PRDM16: variants seen among roughly 807,000 people sequenced by gnomAD.
PRDM16 encodes the protein histone-lysine N-methyltransferase PRDM16.
A neutral mutation model predicts 110.6 loss-of-function variants in PRDM16; 23 were observed. That is an observed-to-expected ratio of 0.21 (90% CI 0.15 to 0.29). PRDM16 has a LOEUF of 0.29. Among genes scored for constraint, PRDM16 ranks in the 10% least tolerant of loss-of-function variants. The pLI is 1.00. For synonymous variants in PRDM16, 799 were observed against 781.8 expected (o/e 1.02, Z -0.37); for missense variants, 1,615 against 1,794.3 (o/e 0.90, Z 1.81).
intron 2 of PRDM16, among the ~76,000 whole-genome samples, chr1:3,225,846 C>T (rs1011927550): frequency 5.3e-5 from 8 of 152,204 alleles, no homozygotes; most frequent in Admixed American, 1.3e-4. Flanking sequence ...ACGGAGCCGC[C>T]GGGGCAGCCA....
rs1282437595 is a variant in PRDM16, at chr1:3,102,773, C to T, written c.37+33477C>T. Among the ~76,000 whole-genome samples the T allele has an allele frequency of 2.6e-5, 4 of 152,180 alleles. No homozygotes were observed. In the South Asian group the frequency reaches 6.2e-4, roughly 24 times the overall value. ...GCAAAACAGCCTGCCCACTGGGGCC[C>T]CTGCGGAAGGGACTCTGGAAGGGCT... On this transcript the variant is annotated intron_variant, in intron 1 of 16. Coordinates refer to ENST00000270722, the MANE Select transcript of PRDM16 (RefSeq NM_022114.4).
rs1188060083 is a variant in PRDM16 at position 3,213,306 on chromosome 1, C to G, written c.387+26832C>G. 6.7e-6 allele frequency among the ~76,000 whole-genome samples: 1 copy of G among 149,442 alleles called. No homozygotes were observed. The highest frequency in any genetic ancestry group is 1.5e-5 in the Non-Finnish European group (1 of 67,526). On this transcript the variant is annotated intron_variant, in intron 2 of 16. Coordinates refer to ENST00000270722, the MANE Select transcript of PRDM16 (RefSeq NM_022114.4). The surrounding 1 kb of genome is among the most constrained non-coding windows in gnomAD (Gnocchi z 5.3). The stretch of plus-strand genomic sequence containing the variant: ...TGGCATGTCCATCAAGTCATAGAGA[C>G]AACCATTTCTGCTTAATTTGCTGAC...
chr1:3,170,276 G>A (rs1318961773), intron 1 of PRDM16, among the ~76,000 whole-genome samples: 2 of 152,196 alleles, frequency 1.3e-5, no homozygotes, highest in Non-Finnish European at 2.9e-5. Context: ...GGGTGGGGGT[G>A]CAGAGATCCC....
chr1:3,345,065 C>T (rs1481398383), intron 3 of PRDM16, among the ~76,000 whole-genome samples: 1 of 152,236 alleles, frequency 6.6e-6, no homozygotes, highest in Admixed American at 6.5e-5. Flanking sequence ...GCTCTGACAG[C>T]CTCACACTGC....
chr1:3,282,521 C>G (rs1640730944), intron 3 of PRDM16, among the ~76,000 whole-genome samples: 1 of 152,228 alleles, frequency 6.6e-6, no homozygotes, highest in African/African-American at 2.4e-5. Context: ...GAGGATACCC[C>G]TGATGCTGCT....
At chr1:3,107,062 GC>G (rs1300047826) in intron 1 of PRDM16, among the ~76,000 whole-genome samples, 1 of 152,254 alleles carries the variant, frequency 6.6e-6, no homozygotes, top group Non-Finnish European at 1.5e-5. Flanking sequence ...GGCAAGAGCA[GC>G]TCACACCTCA....
intron 3 of PRDM16, among the ~76,000 whole-genome samples, chr1:3,258,591 C>G (rs1640097713): frequency 6.6e-6 from 1 of 152,214 alleles, no homozygotes; most frequent in Admixed American, 6.5e-5. Context: ...GTTGGAACCT[C>G]GCCTCTGTTA....
At chr1:3,237,011 G>A (rs1327546792) in intron 2 of PRDM16, among the ~76,000 whole-genome samples, 2 of 152,142 alleles carry the variant, frequency 1.3e-5, no homozygotes, top group African/African-American at 4.8e-5. Context: ...CAGGCCGGAT[G>A]GAGCCCACTG....
intron 4 of PRDM16, among the ~76,000 whole-genome samples, chr1:3,393,117 T>C (rs138748915): frequency 1.2e-3 from 186 of 152,336 alleles, no homozygotes; most frequent in African/African-American, 4.3e-3. Context: ...ACTCAGCTGT[T>C]GTTAAGAGGG....
chr1:3,138,335 G>C (rs1198244945), intron 1 of PRDM16, among the ~76,000 whole-genome samples: 2 of 152,208 alleles, frequency 1.3e-5, no homozygotes, highest in Non-Finnish European at 2.9e-5. Context: ...AGCACCCATC[G>C]AGTAAATACA....
intron 3 of PRDM16, among the ~76,000 whole-genome samples, chr1:3,256,933 G>A (rs1640062634): frequency 6.6e-6 from 1 of 152,236 alleles, no homozygotes; most frequent in Admixed American, 6.5e-5. Flanking sequence ...GCAAACACAT[G>A]CACATGCATA....
intron 8 of PRDM16, among the ~76,000 whole-genome samples, chr1:3,407,885 T>G (rs905210317): frequency 6.6e-6 from 1 of 152,240 alleles, no homozygotes; most frequent in Non-Finnish European, 1.5e-5. Context: ...CTCACCTTTG[T>G]GCCTTGGCTT....
chr1:3,222,878 G>A (rs1035991316), intron 2 of PRDM16, among the ~76,000 whole-genome samples: 3 of 152,200 alleles, frequency 2.0e-5, no homozygotes, highest in Admixed American at 1.3e-4. Context: ...AAGGGGCCTG[G>A]AGAAAGTGTG....
intron 1 of PRDM16, among the ~76,000 whole-genome samples, chr1:3,178,874 C>A (rs1248915782): frequency 6.6e-6 from 1 of 152,186 alleles, no homozygotes; most frequent in East Asian, 1.9e-4. Flanking sequence ...CTGGCGGGGA[C>A]TCCACTCAGA....
At position 3,358,532 on chromosome 1, in the gene PRDM16, C is replaced by T. The variant is rs1170127093; in HGVS notation, c.439-26620C>T. Among the ~76,000 whole-genome samples, 1 of 152,170 alleles carries T rather than the reference C, an allele frequency of 6.6e-6. No homozygotes were observed. The highest frequency in any genetic ancestry group is 1.5e-5 in the Non-Finnish European group (1 of 68,040). ...GGAATAAGGTTCCAGTGTTCCCTTT[C>T]CCGTCACCAGGCAGAGCCCCGAATT... On this transcript the variant is annotated intron_variant, in intron 3 of 16. Coordinates refer to ENST00000270722, the MANE Select transcript of PRDM16 (RefSeq NM_022114.4). This position sits in a 1 kb window ranked among gnomAD's most constrained non-coding sequence, Gnocchi z 4.0.
intron 3 of PRDM16, among the ~76,000 whole-genome samples, chr1:3,338,797 A>G (rs1642213137): frequency 6.6e-6 from 1 of 152,246 alleles, no homozygotes; most frequent in South Asian, 2.1e-4. Context: ...CTCTCTGGGC[A>G]GGACACACTG....
At chr1:3,095,536 G>T (rs997126846) in intron 1 of PRDM16, among the ~76,000 whole-genome samples, 9 of 152,122 alleles carry the variant, frequency 5.9e-5, no homozygotes, top group African/African-American at 2.2e-4. Flanking sequence ...CCTCATGGGG[G>T]GCCGGGCTCA....
intron 3 of PRDM16, among the ~76,000 whole-genome samples, chr1:3,333,548 T>C (rs1031364663): frequency 7.9e-5 from 12 of 152,298 alleles, no homozygotes; most frequent in South Asian, 6.2e-4. Flanking sequence ...GATCTGCCCC[T>C]TTGATGAGCA....
chr1:3,200,544 G>A (rs913893327), intron 2 of PRDM16, among the ~76,000 whole-genome samples: 9 of 152,188 alleles, frequency 5.9e-5, no homozygotes, highest in Middle Eastern at 3.4e-3. Flanking sequence ...GGGTTTCACC[G>A]TGTTAGCCAG....
Sources: gnomAD v4.1 joint callset for allele counts (sites outside exome capture counted in the v4.1 genomes callset) on GRCh38, gnomAD v4.1.1 for gene constraint, Gnocchi (gnomAD v3.1) non-coding constraint, MANE v1.5 for transcripts, NCBI Gene and HGNC (gene_info 2026-07-23, HGNC 2026-07-21) for gene names.